The following ALG6 variants were observed in gnomAD, a reference collection of about 807,000 sequenced individuals.
ALG6 encodes ALG6 alpha-1,3-glucosyltransferase.
In ALG6, 46 loss-of-function variants were observed where a neutral mutation model predicts 66.6. The ratio of observed to expected loss-of-function variants is 0.69; its 90% CI spans 0.55 to 0.88. The LOEUF (loss-of-function observed/expected upper bound fraction) is 0.88, where lower values mean the gene tolerates loss of function less well. ALG6 is among the 40% of genes least tolerant of loss of function. The pLI is 0.00. For synonymous variants in ALG6, 185 were observed against 203.7 expected (o/e 0.91, Z 0.78); for missense variants, 505 against 586.8 (o/e 0.86, Z 1.44).
Position 63,379,370 on chromosome 1 carries a change from TAGG to T in ALG6, c.82+8314_82+8316del, listed in dbSNP as rs371196987. Among the ~76,000 whole-genome samples, 1,215 of 152,330 alleles carry T rather than the reference TAGG, an allele frequency of 8.0e-3. 12 individuals carry two copies. The highest frequency in any genetic ancestry group is 0.027 in the African/African-American group (1,125 of 41,578). ...ACCTGGGCAAATGCAGGCATATGGT[TAGG>T]AGTTTTCATAGGACTCTTTTTCGTT... On this transcript the variant is annotated intron_variant, in intron 2 of 14. Transcript: ENST00000263440.
At chr1:63,397,810 C>A (rs1031374334) in intron 3 of ALG6, among the ~76,000 whole-genome samples, 1 of 152,172 alleles carries the variant, frequency 6.6e-6, no homozygotes, top group African/African-American at 2.4e-5. Context: ...TGACCTTTGG[C>A]AAATCATTTA....
At chr1:63,380,306 A>G (rs1447364389) in intron 2 of ALG6, among the ~76,000 whole-genome samples, 1 of 152,228 alleles carries the variant, frequency 6.6e-6, no homozygotes, top group African/African-American at 2.4e-5. Flanking sequence ...ACTGAATGGT[A>G]GTTATCAAAT....
At chr1:63,371,090 C>T (rs368534328) in intron 2 of ALG6, 31 bp downstream of exon 2, 24 of 1,426,300 alleles carry the variant, frequency 1.7e-5, no homozygotes, top group African/African-American at 1.3e-4. Flanking sequence ...AAAAAAAAAA[C>T]GAAATTTTCC....
chr1:63,435,077 T>C (rs185774065), intron 14 of ALG6, among the ~76,000 whole-genome samples: 259 of 152,304 alleles, frequency 1.7e-3, no homozygotes, highest in Non-Finnish European at 2.0e-3. Flanking sequence ...TGTTTGACTA[T>C]AGCAGTTTCA....
chr1:63,385,490 C>T (rs891669786), intron 2 of ALG6, among the ~76,000 whole-genome samples: 2 of 152,134 alleles, frequency 1.3e-5, no homozygotes, highest in African/African-American at 4.8e-5. Context: ...GCATTACAGG[C>T]GTGAGCCACC....
At chr1:63,415,550 GTGTT>G (rs1242325066) in intron 10 of ALG6, among the ~76,000 whole-genome samples, 1 of 152,066 alleles carries the variant, frequency 6.6e-6, no homozygotes, top group African/African-American at 2.4e-5. Flanking sequence ...CTTATTTTGA[GTGTT>G]TGATAATTGA....
At chr1:63,378,636 C>G (rs1408179144) in intron 2 of ALG6, among the ~76,000 whole-genome samples, 1 of 152,212 alleles carries the variant, frequency 6.6e-6, no homozygotes, top group Admixed American at 6.5e-5. Context: ...ACAATAATCT[C>G]TTCCCCTCAT....
chr1:63,415,530 A>G, intron 10 of ALG6, among the ~76,000 whole-genome samples: 1 of 152,084 alleles, frequency 6.6e-6, no homozygotes, highest in East Asian at 1.9e-4. Context: ...CTTATACTTC[A>G]TTATGTTTTC....
In ALG6 at chr1:63,422,290, T is replaced by TAAA. The variant is rs1310101908; in HGVS notation, c.1058+2850_1058+2851insAAA. The stretch of plus-strand genomic sequence containing the variant: ...ATAAATATATATATAAATATATATA[T>TAAA]TTATATAGATATAAATATATATCTA... On this transcript the variant is annotated intron_variant, in intron 12 of 14. Transcript: ENST00000263440. Among the ~76,000 whole-genome samples the TAAA allele has an allele frequency of 5.9e-5, 5 of 84,958 alleles. 1 individual carries two copies. The highest frequency in any genetic ancestry group is 1.1e-4 in the African/African-American group (2 of 17,852). 55.7% of individuals were successfully genotyped at this position (84,958 alleles called of 152,430 possible).
intron 9 of ALG6, 119 bp downstream of exon 9, chr1:63,412,180 C>A: frequency 6.9e-7 from 1 of 1,452,092 alleles, no homozygotes; most frequent in South Asian, 1.1e-5. Context: ...GTAATCATTC[C>A]TTGCCAGTTA....
Position 63,433,892 on chromosome 1 carries a change from T to TA in ALG6, c.1327-2930dup, listed in dbSNP as rs1644662212. ...AACAACAAAGCAAGGGAGAAATCGATATGATATGCAGGAGGGATGAATGCA... is the reference window on the plus strand; with the variant it reads ...AACAACAAAGCAAGGGAGAAATCGATAATGATATGCAGGAGGGATGAATGCA... On this transcript the variant is annotated intron_variant, in intron 14 of 14. Transcript: ENST00000263440. The surrounding 1 kb of genome is among the most constrained non-coding windows in gnomAD (Gnocchi z 4.2). 6.6e-6 allele frequency among the ~76,000 whole-genome samples: 1 copy of TA among 152,208 alleles called. No individual in the cohort carries two copies. Among genetic ancestry groups the TA allele is most frequent in the African/African-American group, 2.4e-5 (1 of 41,454 alleles).
At chr1:63,422,225 A>AGATATAAATATATATCATATG (rs1491422091) in intron 12 of ALG6, among the ~76,000 whole-genome samples, 1 of 71,588 alleles carries the variant, frequency 1.4e-5, no homozygotes, top group Non-Finnish European at 2.5e-5. Flanking sequence ...ATATTTATAT[A>AGATATAAATATATATCATATG]AATATAAATA....
At chr1:63,430,369 A>G (rs946217883) in intron 14 of ALG6, among the ~76,000 whole-genome samples, 4 of 152,208 alleles carry the variant, frequency 2.6e-5, no homozygotes, top group Admixed American at 1.3e-4. Flanking sequence ...ACATTTGTTT[A>G]CAAGGTATTG....
Position 63,415,912 on chromosome 1 carries a change from A to C in ALG6, c.942A>C (p.Ile314=). The C allele has an allele frequency of 6.2e-7, 1 of 1,612,064 alleles. No homozygotes were observed. Among genetic ancestry groups the C allele is most frequent in the South Asian group, 1.1e-5 (1 of 90,896 alleles). The change falls in exon 11 of 15, where the codon ATA becomes ATC. Residue 314 remains isoleucine, a synonymous_variant. Transcript: ENST00000263440. The part of the protein sequence containing the change: ...STFLSLLPAC[I]KLILQPSSKG... Reference sequence around the variant, plus strand: ...TTTTGAGCCTGCTTCCTGCATGCATAAAATTAATACTTCAGCCCTCTTCCA... The same window carrying C: ...TTTTGAGCCTGCTTCCTGCATGCATCAAATTAATACTTCAGCCCTCTTCCA...
chr1:63,423,133 C>T (rs1001778309), intron 12 of ALG6, among the ~76,000 whole-genome samples: 2 of 151,082 alleles, frequency 1.3e-5, no homozygotes, highest in African/African-American at 4.9e-5. Flanking sequence ...AAGCGATTCT[C>T]CCACATCAGC....
At chr1:63,435,098 G>A (rs1010592015) in intron 14 of ALG6, among the ~76,000 whole-genome samples, 1 of 152,136 alleles carries the variant, frequency 6.6e-6, no homozygotes, top group African/African-American at 2.4e-5. Context: ...TCGTGATTAG[G>A]GTGAAAGCCC....
chr1:63,411,352 A>G (rs566169911), intron 8 of ALG6, 21 bp downstream of exon 8: 38 of 1,606,412 alleles, frequency 2.4e-5, no homozygotes, highest in Non-Finnish European at 3.0e-5. Context: ...TTTAAACACT[A>G]GAATCCAAAA....
At chr1:63,402,456 TTG>T in intron 4 of ALG6, 113 bp downstream of exon 4, 1 of 584,034 alleles carries the variant, frequency 1.7e-6, no homozygotes, top group Non-Finnish European at 2.9e-6. Flanking sequence ...GTAGCTGCTA[TTG>T]TATTTTTTTT....
intron 7 of ALG6, among the ~76,000 whole-genome samples, chr1:63,410,000 G>C (rs1370891848): frequency 6.6e-6 from 1 of 152,000 alleles, no homozygotes; most frequent in East Asian, 1.9e-4. Context: ...CTACCTCTAG[G>C]GATTTTCAGT....
Sources: gnomAD v4.1 joint callset for allele counts (sites outside exome capture counted in the v4.1 genomes callset) on GRCh38, gnomAD v4.1.1 for gene constraint, Gnocchi (gnomAD v3.1) non-coding constraint, MANE v1.5 for transcripts, NCBI Gene and HGNC (gene_info 2026-07-23, HGNC 2026-07-21) for gene names.